The following PLEKHA8 variants were observed in gnomAD, a reference collection of about 807,000 sequenced individuals.
PLEKHA8 encodes the protein pleckstrin homology domain containing A8, also known as pleckstrin homology domain-containing family A member 8.
A neutral mutation model predicts 68.2 loss-of-function variants in PLEKHA8; 36 were observed. The ratio of observed to expected loss-of-function variants is 0.53; its 90% confidence interval spans 0.40 to 0.70. The LOEUF is 0.70. PLEKHA8 is among the 30% of genes least tolerant of loss of function. The probability of loss-of-function intolerance (pLI) is 0.00; values close to 1 mark genes in which losing one functional copy is unlikely to be tolerated. For missense variants in PLEKHA8, 505 were observed against 615.4 expected, an observed-to-expected ratio of 0.82 and a Z score of 1.90; for synonymous variants, 211 against 216.1, an observed-to-expected ratio of 0.98 and a Z score of 0.20.
rs144986638 is a variant in PLEKHA8 at position 30,103,539 on chromosome 7, G to T, written c.1363-25727G>T. On this transcript the variant is annotated intron_variant, in intron 13 of 13. Transcript: ENST00000396257. The stretch of plus-strand genomic sequence containing the variant: ...TATTAGTGAATTGCAAGACTTTCTC[G>T]AAAGCTGTAGTAATGAAGATGGTAT... Among the ~76,000 whole-genome samples the T allele has an allele frequency of 5.1e-4, 78 of 152,320 alleles. 1 individual carries two copies. Among genetic ancestry groups the T allele is most frequent in the Middle Eastern group, 3.4e-3 (1 of 294 alleles).
rs1794882905 is a variant in PLEKHA8 at position 30,080,629 on chromosome 7, T to G, written c.*1842T>G. 1.0e-6 allele frequency: 1 copy of G among 985,154 alleles called. No individual in the cohort carries two copies. Among genetic ancestry groups the G allele is most frequent in the Non-Finnish European group, 1.2e-6 (1 of 829,852 alleles). The allele number at this position is 985,154 out of a possible 1,614,324, so 61.0% of individuals were successfully genotyped here. A position where few individuals can be genotyped will look rare whatever the true frequency, so the allele number is the denominator to read the frequency against. On this transcript the variant is annotated 3_prime_UTR_variant, in exon 14 of 14. Coordinates refer to ENST00000449726, the MANE Select transcript of PLEKHA8 (RefSeq NM_001197026.2). Reference sequence around the variant, plus strand: ...AAGACTTCTGGAAAATACTTAAACTTGAAAAATCAACATCACATGTTTTAA... The same window carrying G: ...AAGACTTCTGGAAAATACTTAAACTGGAAAAATCAACATCACATGTTTTAA...
chr7:30,030,308 T>C (rs1356966281), intron 1 of PLEKHA8, among the ~76,000 whole-genome samples: 1 of 152,222 alleles, frequency 6.6e-6, no homozygotes, highest in East Asian at 1.9e-4. Context: ...TGGGGTTTTT[T>C]CCCCCTCTTT....
chr7:30,081,056 A>G lies in PLEKHA8; in HGVS notation c.*2269A>G. ...GGTTTGCCACCGCAACTCTGAATAC[A>G]CACAAAAGGAAAGCTGCTCAGCATG... On this transcript the variant is annotated 3_prime_UTR_variant, in exon 14 of 14. Transcript: ENST00000449726. 9.1e-6 allele frequency: 9 copies of G among 985,328 alleles called. No homozygotes were observed. Among genetic ancestry groups the G allele is most frequent in the Non-Finnish European group, 1.1e-5 (9 of 829,922 alleles). 61.0% of individuals were successfully genotyped at this position (985,328 alleles called of 1,614,324 possible). A position where few individuals can be genotyped will look rare whatever the true frequency, so the allele number is the denominator to read the frequency against.
chr7:30,115,941 C>T (rs796679294), intron 13 of PLEKHA8: 2 of 148,070 alleles, frequency 1.4e-5, no homozygotes, highest in African/African-American at 2.5e-5. Flanking sequence ...TGTATACATG[C>T]ACACATACGC....
chr7:30,047,425 T>C (rs984567379), intron 3 of PLEKHA8, among the ~76,000 whole-genome samples: 1 of 152,038 alleles, frequency 6.6e-6, no homozygotes, highest in African/African-American at 2.4e-5. Flanking sequence ...CAGGTAAGAG[T>C]AGAGCACTGC....
intron 9 of PLEKHA8, among the ~76,000 whole-genome samples, chr7:30,059,391 C>G (rs999998452): frequency 6.6e-6 from 1 of 152,010 alleles, no homozygotes; most frequent in Admixed American, 6.5e-5. Flanking sequence ...TCATAAAATG[C>G]TTTTTCTGTA....
At chr7:30,124,561 T>C (rs1434817645) in intron 13 of PLEKHA8, among the ~76,000 whole-genome samples, 4 of 152,146 alleles carry the variant, frequency 2.6e-5, no homozygotes, top group Non-Finnish European at 4.4e-5. Flanking sequence ...GGTAAGCCTT[T>C]TTCGTTGTTT....
At chr7:30,057,313 C>T (rs1405067577) in intron 9 of PLEKHA8, among the ~76,000 whole-genome samples, 1 of 152,138 alleles carries the variant, frequency 6.6e-6, no homozygotes, top group Non-Finnish European at 1.5e-5. Context: ...TTTTCTCATA[C>T]AGTATGTTTT....
chr7:30,047,702 A>T, intron 3 of PLEKHA8, 130 bp from the exon 4 acceptor site: 1 of 955,204 alleles, frequency 1.0e-6, no homozygotes, highest in Non-Finnish European at 1.5e-6. Context: ...CCCATACTTT[A>T]AAGATTTGAC....
chr7:30,047,626 G>A (rs1448695406), intron 3 of PLEKHA8, among the ~76,000 whole-genome samples: 1 of 152,036 alleles, frequency 6.6e-6, no homozygotes, highest in Non-Finnish European at 1.5e-5. Flanking sequence ...ATACTACTTT[G>A]AAAGACTGGA....
At chr7:30,071,255 A>T (rs531621584) in intron 12 of PLEKHA8, among the ~76,000 whole-genome samples, 173 of 152,342 alleles carry the variant, frequency 1.1e-3, no homozygotes, top group African/African-American at 4.1e-3. Context: ...CATGATGGAT[A>T]AAGGTCCTCA....
At chr7:30,051,618 C>T (rs1288008317) in intron 6 of PLEKHA8, among the ~76,000 whole-genome samples, 1 of 152,138 alleles carries the variant, frequency 6.6e-6, no homozygotes, top group Non-Finnish European at 1.5e-5. Flanking sequence ...AATGTGCTGA[C>T]ATTTCCCTCA....
At position 30,053,949 on chromosome 7, in the gene PLEKHA8, G is replaced by T. The variant is rs184236960; in HGVS notation, c.797-760G>T. Reference sequence around the variant, plus strand: ...TAAAGACACTTTAATATGTATTGTTGATTCATTAACATTGAACTCACGGTG... The same window carrying T: ...TAAAGACACTTTAATATGTATTGTTTATTCATTAACATTGAACTCACGGTG... On this transcript the variant is annotated intron_variant, in intron 7 of 13. Coordinates refer to ENST00000449726, the MANE Select transcript of PLEKHA8 (RefSeq NM_001197026.2). Among the ~76,000 whole-genome samples, 54 of 152,164 alleles carry T rather than the reference G, an allele frequency of 3.5e-4. 1 individual carries two copies. The highest frequency in any genetic ancestry group is 3.4e-3 in the Middle Eastern group (1 of 292).
At chr7:30,089,774 T>G (rs1181631011) in intron 12 of PLEKHA8, among the ~76,000 whole-genome samples, 1 of 151,920 alleles carries the variant, frequency 6.6e-6, no homozygotes, top group Admixed American at 6.6e-5. Flanking sequence ...TTAGAAAACA[T>G]GAACTCAATA....
intron 12 of PLEKHA8, 136 bp downstream of exon 12, chr7:30,062,878 C>T: frequency 1.6e-6 from 1 of 635,810 alleles, no homozygotes; most frequent in Non-Finnish European, 2.6e-6. Flanking sequence ...CATTATTATT[C>T]ATTGCTTCTT....
Position 30,078,737 on chromosome 7 carries a change from C to T in PLEKHA8, c.1510C>T (p.Leu504=). Residue 504 remains leucine, a synonymous_variant, in exon 14 of 14, where the codon CTG becomes TTG. Transcript: ENST00000449726. ...TGCCATGGAGAAGCAGCTGGCCATACTGGACACTTTATATGAGGTCCACGG... is the reference window on the plus strand; with the variant it reads ...TGCCATGGAGAAGCAGCTGGCCATATTGGACACTTTATATGAGGTCCACGG... ...LPAMEKQLAI[L]DTLYEVHGLE... is the part of the protein sequence containing the mutation. 1 of 1,613,820 alleles carries T rather than the reference C, an allele frequency of 6.2e-7. No individual in the cohort carries two copies. The highest frequency in any genetic ancestry group is 8.5e-7 in the Non-Finnish European group (1 of 1,179,808).
intron 12 of PLEKHA8, among the ~76,000 whole-genome samples, chr7:30,064,579 T>C (rs1262812562): frequency 2.6e-5 from 4 of 152,136 alleles, no homozygotes; most frequent in Admixed American, 2.0e-4. Flanking sequence ...AAAACAATGC[T>C]CAGTCGTCAA....
chr7:30,105,235 C>T (rs1354288842), intron 13 of PLEKHA8, among the ~76,000 whole-genome samples: 5 of 149,280 alleles, frequency 3.3e-5, no homozygotes, highest in African/African-American at 1.2e-4. Context: ...CTTTGGGAAG[C>T]CTAGGTAAGT....
intron 13 of PLEKHA8, chr7:30,115,953 T>A: frequency 6.8e-6 from 1 of 147,632 alleles, no homozygotes; most frequent in South Asian, 2.1e-4. Context: ...CACATACGCA[T>A]ACATGCATGC....
Sources: allele counts gnomAD v4.1 joint callset (sites outside exome capture counted in the v4.1 genomes callset), GRCh38; gene constraint gnomAD v4.1.1; transcripts MANE v1.5; gene names NCBI Gene and HGNC (gene_info 2026-07-23, HGNC 2026-07-21).